The following TFCP2L1 variants were observed in gnomAD, a reference collection of about 807,000 sequenced individuals.
The protein encoded by TFCP2L1 is transcription factor CP2 like 1, also known as transcription factor CP2-like protein 1.
In TFCP2L1, 12 loss-of-function variants were observed where a neutral mutation model predicts 72.2. The observed-to-expected ratio is 0.17, with a 90% CI of 0.11 to 0.27. TFCP2L1 has a LOEUF of 0.27. Among genes scored for constraint, TFCP2L1 ranks in the 10% least tolerant of loss-of-function variants. TFCP2L1 has a pLI of 1.00. For missense variants in TFCP2L1, 488 were observed against 624.6 expected (o/e 0.78, Z 2.33); for synonymous variants, 260 against 251.0 (o/e 1.04, Z -0.34).
At chr2:121,247,057 T>C in intron 5 of TFCP2L1, 87 bp from the exon 6 acceptor site, 1 of 1,513,618 alleles carries the variant, frequency 6.6e-7, no homozygotes, top group Admixed American at 1.9e-5. Context: ...ATTGGAGGTG[T>C]CCTTCCCTGC....
At position 121,227,683 on chromosome 2, in the gene TFCP2L1, A is replaced by C. The variant is rs188754704; in HGVS notation, c.1342-2070T>G. Among the ~76,000 whole-genome samples, 272 of 149,396 alleles carry C rather than the reference A, an allele frequency of 1.8e-3. 1 individual carries two copies. Among genetic ancestry groups the C allele is most frequent in the African/African-American group, 6.3e-3 (253 of 40,450 alleles). On this transcript the variant is annotated intron_variant, in intron 13 of 14. Transcript: ENST00000263707. The stretch of plus-strand genomic sequence containing the variant: ...GTGACAGAGTGAGACTCTGTCTCCA[A>C]ATAAAATAAAATAAAATAAAATATA...
chr2:121,224,739 T>C (rs1294330996), intron 14 of TFCP2L1, among the ~76,000 whole-genome samples: 1 of 152,070 alleles, frequency 6.6e-6, no homozygotes, highest in Admixed American at 6.5e-5. Flanking sequence ...TCCCAGCACT[T>C]TGGGAGGCCA....
At chr2:121,269,918 A>AAAAAAAAT in intron 2 of TFCP2L1, among the ~76,000 whole-genome samples, 3 of 115,174 alleles carry the variant, frequency 2.6e-5, no homozygotes, top group Admixed American at 9.2e-5. Context: ...AAAAAAAAAA[A>AAAAAAAAT]ATATATATAT....
chr2:121,276,190 A>G (rs914894821), intron 2 of TFCP2L1, among the ~76,000 whole-genome samples: 3 of 152,024 alleles, frequency 2.0e-5, no homozygotes, highest in African/African-American at 7.2e-5. Context: ...TACGTTAGGT[A>G]TTTATCCTAA....
rs1291812853 is a variant in TFCP2L1, at chr2:121,218,472, T to G, written c.*5869A>C. The G allele has an allele frequency of 6.6e-6, 1 of 152,454 alleles. No individual in the cohort carries two copies. The highest frequency in any genetic ancestry group is 1.5e-5 in the Non-Finnish European group (1 of 68,246). The allele number at this position is 152,454 out of a possible 1,614,324, so 9.4% of individuals were successfully genotyped here. A position where few individuals can be genotyped will look rare whatever the true frequency, so the allele number is the denominator to read the frequency against. The stretch of plus-strand genomic sequence containing the variant: ...ATGAGGGGTGCGGAGCTGAGGATGT[T>G]GTTCTCTTTGATGAAGGCCTGAAAA... On this transcript the variant is annotated 3_prime_UTR_variant, in exon 15 of 15. Transcript: ENST00000263707.
intron 8 of TFCP2L1, 103 bp from the exon 9 acceptor site, chr2:121,237,953 G>T (rs1041194052): frequency 1.6e-6 from 2 of 1,261,826 alleles, no homozygotes; most frequent in Non-Finnish European, 2.2e-6. Flanking sequence ...TCAGATGCAG[G>T]ATTTGTTCTA....
rs763698250 is a variant in TFCP2L1 at position 121,281,264 on chromosome 2, G to A, written c.70C>T (p.Leu24Phe). ...HNSGSYLRDV[L>F]ALPIFKQEEP... ...TCCTGCTTGAAGATGGGCAGAGCGA[G>A]CACATCACTGCAACACACGGGAAGC... The change falls in exon 2 of 15, where the codon CTC (leucine) becomes TTC (phenylalanine). Residue 24 changes from leucine to phenylalanine, a missense_variant. By Grantham distance (22) the Leu-to-Phe change is conservative. This residue lies in a region of TFCP2L1 where 73 missense variants were observed against 59.7 expected (regional missense o/e 1.22). Coordinates refer to ENST00000263707, the MANE Select transcript of TFCP2L1 (RefSeq NM_014553.3). The A allele has an allele frequency of 1.2e-6, 2 of 1,601,926 alleles. No homozygotes were observed. The highest frequency in any genetic ancestry group is 1.7e-6 in the Non-Finnish European group (2 of 1,175,024).
At chr2:121,225,337 T>C (rs1284439155) in intron 14 of TFCP2L1, among the ~76,000 whole-genome samples, 4 of 152,294 alleles carry the variant, frequency 2.6e-5, no homozygotes, top group Middle Eastern at 3.4e-3. Flanking sequence ...ACTGAGTTCA[T>C]AGAAAACAAG....
chr2:121,282,548 C>CA (rs1162869056), intron 1 of TFCP2L1, among the ~76,000 whole-genome samples: 2 of 148,790 alleles, frequency 1.3e-5, no homozygotes, highest in East Asian at 3.9e-4. Context: ...AAGAAAGAAA[C>CA]AAAAAACCCA....
intron 14 of TFCP2L1, 78 bp downstream of exon 14, chr2:121,225,484 G>A: frequency 7.2e-7 from 1 of 1,393,384 alleles, no homozygotes; most frequent in Non-Finnish European, 1.0e-6. Flanking sequence ...AGCACTCTCT[G>A]GAAGGGCCCA....
intron 13 of TFCP2L1, among the ~76,000 whole-genome samples, chr2:121,230,361 G>A (rs1686116700): frequency 6.6e-6 from 1 of 152,120 alleles, no homozygotes; most frequent in Non-Finnish European, 1.5e-5. Flanking sequence ...AGTAGAGACA[G>A]GGGTTTCTCC....
At chr2:121,242,062 C>A (rs1461083983) in intron 7 of TFCP2L1, among the ~76,000 whole-genome samples, 2 of 105,504 alleles carry the variant, frequency 1.9e-5, no homozygotes, top group African/African-American at 7.8e-5. Flanking sequence ...AATTCAAAAC[C>A]ATGTGAATAC....
At chr2:121,265,957 CG>C (rs1686922738) in intron 2 of TFCP2L1, among the ~76,000 whole-genome samples, 1 of 151,248 alleles carries the variant, frequency 6.6e-6, no homozygotes, top group South Asian at 2.1e-4. Context: ...CCTCGACCTC[CG>C]GGGTTGAAGC....
chr2:121,231,198 G>C (rs1382726975), intron 13 of TFCP2L1, among the ~76,000 whole-genome samples: 2 of 152,246 alleles, frequency 1.3e-5, no homozygotes, highest in African/African-American at 4.8e-5. Flanking sequence ...CCTGTTATTA[G>C]GTGGAAGGGG....
intron 2 of TFCP2L1, 130 bp downstream of exon 2, chr2:121,280,990 T>C (rs1031175412): frequency 5.3e-6 from 6 of 1,135,782 alleles, no homozygotes; most frequent in Non-Finnish European, 7.4e-6. Context: ...CCTGCACCTG[T>C]TCTCTTTCCC....
At chr2:121,262,025 C>T (rs1184310114) in intron 2 of TFCP2L1, among the ~76,000 whole-genome samples, 1 of 152,180 alleles carries the variant, frequency 6.6e-6, no homozygotes, top group Non-Finnish European at 1.5e-5. Flanking sequence ...TCTACAAAAT[C>T]AAGCTTTTGG....
At chr2:121,246,119 G>C (rs751709649) in intron 6 of TFCP2L1, among the ~76,000 whole-genome samples, 4 of 152,212 alleles carry the variant, frequency 2.6e-5, no homozygotes, top group African/African-American at 4.8e-5. Context: ...GGACTGTGGG[G>C]CTGGGGCCTG....
At chr2:121,282,696 T>C (rs761075667) in intron 1 of TFCP2L1, among the ~76,000 whole-genome samples, 1 of 152,164 alleles carries the variant, frequency 6.6e-6, no homozygotes, top group Non-Finnish European at 1.5e-5. Flanking sequence ...AGTGCTCTTA[T>C]CTTGATAACC....
intron 5 of TFCP2L1, 70 bp from the exon 6 acceptor site, chr2:121,247,040 C>T: frequency 6.3e-7 from 1 of 1,577,128 alleles, no homozygotes; most frequent in Non-Finnish European, 8.6e-7. Flanking sequence ...CCCCAAGCGC[C>T]CCCTCTATTG....
Sources: gnomAD v4.1 joint callset for allele counts (sites outside exome capture counted in the v4.1 genomes callset) on GRCh38, gnomAD v4.1.1 for gene constraint, gnomAD v4.1.1 regional missense constraint, MANE v1.5 for transcripts, NCBI Gene and HGNC (gene_info 2026-07-23, HGNC 2026-07-21) for gene names.